F13A1: variants seen among roughly 807,000 people sequenced by gnomAD.
F13A1 encodes FSF, A subunit.
In F13A1, 47 loss-of-function variants were observed where a neutral mutation model predicts 80.1. The observed-to-expected ratio is 0.59, with a 90% CI of 0.46 to 0.75. F13A1 has a LOEUF of 0.75. Ranked by LOEUF, F13A1 falls within the 30% of genes least tolerant of loss-of-function variation. The pLI is 0.00. For missense variants in F13A1, 817 were observed against 930.4 expected (o/e 0.88, Z 1.59); for synonymous variants, 349 against 344.9 (o/e 1.01, Z -0.13).
At chr6:6,297,960 T>C (rs1367257347) in intron 3 of F13A1, among the ~76,000 whole-genome samples, 2 of 150,442 alleles carry the variant, frequency 1.3e-5, no homozygotes, top group South Asian at 2.1e-4. Flanking sequence ...TTTGTTCTCG[T>C]TGGTTTCAAA....
At chr6:6,210,324 G>GATATATATATACATATATATATAT (rs1761580899) in intron 8 of F13A1, among the ~76,000 whole-genome samples, 6 of 82,906 alleles carry the variant, frequency 7.2e-5, no homozygotes, top group Non-Finnish European at 1.4e-4. Context: ...TGTAGCATGT[G>GATATATATATACATATATATATAT]ATATATATAT....
At chr6:6,288,826 C>T (rs1229916811) in intron 3 of F13A1, among the ~76,000 whole-genome samples, 1 of 152,178 alleles carries the variant, frequency 6.6e-6, no homozygotes, top group East Asian at 1.9e-4. Flanking sequence ...TTATCATTCT[C>T]TTTGGTAGTA....
chr6:6,258,327 T>C (rs1004089632), intron 4 of F13A1, among the ~76,000 whole-genome samples: 1 of 152,172 alleles, frequency 6.6e-6, no homozygotes, highest in African/African-American at 2.4e-5. Flanking sequence ...ATCAGTTCAG[T>C]TCAGCAAACA....
intron 14 of F13A1, among the ~76,000 whole-genome samples, chr6:6,150,451 T>C (rs975389311): frequency 5.3e-5 from 8 of 152,234 alleles, no homozygotes; most frequent in African/African-American, 1.4e-4. Flanking sequence ...ATTTTCTCTG[T>C]TGTTTATTGC....
At chr6:6,199,359 G>A (rs949809085) in intron 8 of F13A1, among the ~76,000 whole-genome samples, 3 of 152,088 alleles carry the variant, frequency 2.0e-5, no homozygotes, top group Non-Finnish European at 4.4e-5. Context: ...GCGTGGTGGC[G>A]GGCACCTGTA....
chr6:6,190,673 TTTTG>T (rs1761172466), intron 10 of F13A1, among the ~76,000 whole-genome samples: 1 of 151,702 alleles, frequency 6.6e-6, no homozygotes, highest in Non-Finnish European at 1.5e-5. Flanking sequence ...ACTGCTGTCT[TTTTG>T]TTTGTCTGTG....
Position 6,243,285 on chromosome 6 carries a change from C to T in F13A1, c.798+5027G>A, listed in dbSNP as rs1757510357. 6.7e-6 allele frequency among the ~76,000 whole-genome samples: 1 copy of T among 149,306 alleles called. No homozygotes were observed. Among genetic ancestry groups the T allele is most frequent in the Non-Finnish European group, 1.5e-5 (1 of 66,968 alleles). Reference sequence around the variant, plus strand: ...CATCACTATCACCACCATAATCACCCTACCATCACCACCATTATTATCACA... The same window carrying T: ...CATCACTATCACCACCATAATCACCTTACCATCACCACCATTATTATCACA... On this transcript the variant is annotated intron_variant, in intron 6 of 14. Coordinates refer to ENST00000264870, the MANE Select transcript of F13A1 (RefSeq NM_000129.4). The surrounding 1 kb of genome is among the most constrained non-coding windows in gnomAD (Gnocchi z 4.2).
chr6:6,206,078 T>C (rs1024906750), intron 8 of F13A1, among the ~76,000 whole-genome samples: 30 of 152,212 alleles, frequency 2.0e-4, no homozygotes, highest in South Asian at 4.1e-4. Flanking sequence ...AAAGTTTATA[T>C]AATAAATTCT....
intron 10 of F13A1, among the ~76,000 whole-genome samples, chr6:6,191,361 T>A (rs1216179939): frequency 6.6e-6 from 1 of 152,166 alleles, no homozygotes; most frequent in East Asian, 1.9e-4. Context: ...TTCTTTTGAA[T>A]GTAATGTTAG....
chr6:6,173,518 C>G (rs1194847956), intron 12 of F13A1, among the ~76,000 whole-genome samples: 1 of 151,916 alleles, frequency 6.6e-6, no homozygotes, highest in Non-Finnish European at 1.5e-5. Context: ...AGCAATTCTC[C>G]TGCCTCAGCC....
chr6:6,158,535 G>A (rs1561637887), intron 13 of F13A1, among the ~76,000 whole-genome samples: 1 of 152,192 alleles, frequency 6.6e-6, no homozygotes, highest in African/African-American at 2.4e-5. Context: ...CGGTTTCTCA[G>A]GGGTTAGAGA....
At chr6:6,244,849 T>C (rs1757533554) in intron 6 of F13A1, among the ~76,000 whole-genome samples, 1 of 152,148 alleles carries the variant, frequency 6.6e-6, no homozygotes, top group South Asian at 2.1e-4. Flanking sequence ...TCGCTTCCCA[T>C]ATGATGCTGC....
rs552587987 is a variant in F13A1, at chr6:6,262,249, C to G, written c.571+4309G>C. On this transcript the variant is annotated intron_variant, in intron 4 of 14. Coordinates refer to ENST00000264870, the MANE Select transcript of F13A1 (RefSeq NM_000129.4). ...CTGATGTGCTCCAAGCGTGGTGACC[C>G]TCCAGGTGATTCTGATGTGCTCCAA... Among the ~76,000 whole-genome samples, 155 of 151,546 alleles carry G rather than the reference C, an allele frequency of 1.0e-3. 1 individual carries two copies. Among genetic ancestry groups the G allele is most frequent in the African/African-American group, 2.1e-3 (86 of 41,174 alleles).
intron 4 of F13A1, among the ~76,000 whole-genome samples, chr6:6,259,471 T>C (rs1757748732): frequency 6.6e-6 from 1 of 152,222 alleles, no homozygotes; most frequent in Non-Finnish European, 1.5e-5. Flanking sequence ...GATTTATTTG[T>C]TTAAAGAAAA....
At chr6:6,185,125 CTCTCT>C (rs945391399) in intron 10 of F13A1, among the ~76,000 whole-genome samples, 17 of 133,250 alleles carry the variant, frequency 1.3e-4, no homozygotes, top group Non-Finnish European at 2.7e-4. Flanking sequence ...TACTGAATCT[CTCTCT>C]TTTTTTTTTT....
intron 6 of F13A1, among the ~76,000 whole-genome samples, chr6:6,230,314 G>T (rs1020037346): frequency 6.6e-6 from 1 of 152,034 alleles, no homozygotes; most frequent in African/African-American, 2.4e-5. Flanking sequence ...TCCTGTGACT[G>T]CCAGCTTCCC....
chr6:6,313,280 C>CTTTTTTTTT (rs5874027), intron 2 of F13A1, among the ~76,000 whole-genome samples: 24 of 126,740 alleles, frequency 1.9e-4, no homozygotes, highest in South Asian at 5.3e-4. Context: ...GCTAAGCCGC[C>CTTTTTTTTT]TTTTTTTTTT....
At chr6:6,291,698 C>A (rs914547298) in intron 3 of F13A1, among the ~76,000 whole-genome samples, 2 of 152,166 alleles carry the variant, frequency 1.3e-5, no homozygotes, top group East Asian at 1.9e-4. Context: ...TTTATCTGCT[C>A]ATTTGGTCTT....
chr6:6,226,437 C>A (rs1158303751), intron 6 of F13A1, among the ~76,000 whole-genome samples: 2 of 152,124 alleles, frequency 1.3e-5, no homozygotes, highest in Non-Finnish European at 2.9e-5. Context: ...AGTTATAATG[C>A]AAAGACATTA....
Sources: gnomAD v4.1 joint callset for allele counts (sites outside exome capture counted in the v4.1 genomes callset) on GRCh38, gnomAD v4.1.1 for gene constraint, Gnocchi (gnomAD v3.1) non-coding constraint, MANE v1.5 for transcripts, NCBI Gene and HGNC (gene_info 2026-07-23, HGNC 2026-07-21) for gene names.